The following GRB10 variants were observed in gnomAD, a reference collection of about 807,000 sequenced individuals.
GRB10 encodes growth factor receptor bound protein 10.
A neutral mutation model predicts 80.9 loss-of-function variants in GRB10; 20 were observed. The ratio of observed to expected loss-of-function variants is 0.25; its 90% CI spans 0.17 to 0.36. The LOEUF is 0.36. GRB10 is among the 10% of genes least tolerant of loss of function. The probability of loss-of-function intolerance (pLI) is 1.00; values close to 1 mark genes in which losing one functional copy is unlikely to be tolerated. For synonymous variants in GRB10, 291 were observed against 291.5 expected (o/e 1.00, Z 0.02); for missense variants, 548 against 747.7 (o/e 0.73, Z 3.12).
chr7:50,787,468 G>A (rs867230586), upstream of GRB10, among the ~76,000 whole-genome samples: 8 of 152,238 alleles, frequency 5.3e-5, no homozygotes, highest in Non-Finnish European at 1.2e-4. Context: ...TGCTCTGGGT[G>A]TTGAGGAATT....
At chr7:50,751,798 G>A (rs1489082840) in intron 3 of GRB10, among the ~76,000 whole-genome samples, 1 of 152,222 alleles carries the variant, frequency 6.6e-6, no homozygotes, top group Non-Finnish European at 1.5e-5. Context: ...CCAAGAACAA[G>A]TGGAGTGATT....
chr7:50,681,451 T>G (rs1037893977), intron 5 of GRB10, among the ~76,000 whole-genome samples: 4 of 152,234 alleles, frequency 2.6e-5, no homozygotes, highest in African/African-American at 9.6e-5. Context: ...ACCTTAAGGC[T>G]CTCCAGACCC....
At chr7:50,678,307 C>CT (rs2061169342) in intron 5 of GRB10, among the ~76,000 whole-genome samples, 1 of 152,070 alleles carries the variant, frequency 6.6e-6, no homozygotes, top group Non-Finnish European at 1.5e-5. Flanking sequence ...CTATTTTCTA[C>CT]TTTAATACAT....
intron 11 of GRB10, 24 bp downstream of exon 11, chr7:50,616,186 G>C (rs751888247): frequency 1.9e-6 from 3 of 1,613,916 alleles, no homozygotes; most frequent in African/African-American, 2.7e-5. Context: ...ATTAGGGCTG[G>C]TGGTGGTAGC....
chr7:50,633,280 C>A (rs930952785), intron 7 of GRB10, among the ~76,000 whole-genome samples: 17 of 152,182 alleles, frequency 1.1e-4, no homozygotes, highest in African/African-American at 3.9e-4. Context: ...TTTGAGAAAA[C>A]CACTACACTA....
chr7:50,644,958 G>A (rs1216672279), intron 7 of GRB10, among the ~76,000 whole-genome samples: 2 of 152,204 alleles, frequency 1.3e-5, no homozygotes, highest in Non-Finnish European at 2.9e-5. Flanking sequence ...GCAGGCACAG[G>A]ATGGCTAAAA....
intron 16 of GRB10, 36 bp from the exon 17 acceptor site, chr7:50,604,121 G>A (rs776136186): frequency 1.9e-6 from 3 of 1,552,862 alleles, no homozygotes; most frequent in Admixed American, 3.3e-5. Flanking sequence ...TAGGATGGTG[G>A]TGCCTCTGCA....
Position 50,686,153 on chromosome 7 carries a change from T to C in GRB10, c.140-11495A>G, listed in dbSNP as rs1040180410. Among the ~76,000 whole-genome samples, 8 of 152,208 alleles carry C rather than the reference T, an allele frequency of 5.3e-5. No homozygotes were observed. In the East Asian group the frequency reaches 9.7e-4, roughly 18 times the overall value. On this transcript the variant is annotated intron_variant, in intron 5 of 18. Transcript: ENST00000401949. ...ATCCTAACCTCTACAGTGAAGGTATTAGGAGGTGGGGCCTTTGGGAGGTGA... is the reference window on the plus strand; with the variant it reads ...ATCCTAACCTCTACAGTGAAGGTATCAGGAGGTGGGGCCTTTGGGAGGTGA...
At chr7:50,621,112 C>A (rs1206363951) in intron 8 of GRB10, among the ~76,000 whole-genome samples, 1 of 152,236 alleles carries the variant, frequency 6.6e-6, no homozygotes, top group Non-Finnish European at 1.5e-5. Flanking sequence ...ATGCCTGGGG[C>A]AGCCACCAGC....
intron 2 of GRB10, among the ~76,000 whole-genome samples, chr7:50,779,973 G>C (rs570389268): frequency 6.6e-6 from 1 of 152,094 alleles, no homozygotes; most frequent in East Asian, 1.9e-4. Context: ...CCCTGACCGA[G>C]GAGGCAGAGA....
At chr7:50,753,218 A>G (rs186323097) in intron 3 of GRB10, among the ~76,000 whole-genome samples, 1 of 152,284 alleles carries the variant, frequency 6.6e-6, no homozygotes, top group East Asian at 1.9e-4. Context: ...TCTGACAATA[A>G]CTAGCTCTTC....
intron 13 of GRB10, chr7:50,606,826 T>C (rs1454463955): frequency 4.2e-6 from 1 of 240,638 alleles, no homozygotes; most frequent in African/African-American, 2.3e-5. Context: ...TCTGTAAGTC[T>C]ACATGTTGAC....
At position 50,765,365 on chromosome 7, in the gene GRB10, C is replaced by T. The variant is rs544440436; in HGVS notation, c.-216-9309G>A. Among the ~76,000 whole-genome samples the T allele has an allele frequency of 9.2e-5, 14 of 152,264 alleles. No homozygotes were observed. The South Asian group carries it at 1.7e-3, about 18-fold the overall frequency. ...TGTATCAAAAAGATATCTGCACACCCGTGTTTACTGCAGCATTATTCACAA... is the reference window on the plus strand; with the variant it reads ...TGTATCAAAAAGATATCTGCACACCTGTGTTTACTGCAGCATTATTCACAA... On this transcript the variant is annotated intron_variant, in intron 2 of 18. Coordinates refer to ENST00000401949, the MANE Select transcript of GRB10 (RefSeq NM_001350814.2).
intron 4 of GRB10, among the ~76,000 whole-genome samples, chr7:50,718,750 G>A (rs76904222): frequency 0.02 from 2,998 of 152,178 alleles, 110 homozygotes; most frequent in African/African-American, 0.068. Context: ...AATTGTAACC[G>A]TCGAAACCCT....
intron 7 of GRB10, among the ~76,000 whole-genome samples, chr7:50,666,835 T>A (rs2059858767): frequency 6.6e-6 from 1 of 151,926 alleles, no homozygotes; most frequent in Non-Finnish European, 1.5e-5. Flanking sequence ...GGACAGGAGA[T>A]CGAGACCATC....
chr7:50,614,748 T>C (rs1352743548), intron 12 of GRB10, 22 bp downstream of exon 12: 5 of 1,507,046 alleles, frequency 3.3e-6, no homozygotes, highest in African/African-American at 1.4e-5. Flanking sequence ...ATGCGCGCCG[T>C]CTGTGGACAG....
At chr7:50,662,182 G>T (rs1180447394) in intron 7 of GRB10, among the ~76,000 whole-genome samples, 4 of 152,208 alleles carry the variant, frequency 2.6e-5, no homozygotes, top group Admixed American at 2.6e-4. Context: ...GCCCCTGGCA[G>T]TCCCAGGCTG....
intron 7 of GRB10, among the ~76,000 whole-genome samples, chr7:50,650,260 A>T (rs1290043940): frequency 6.6e-6 from 1 of 152,254 alleles, no homozygotes; most frequent in African/African-American, 2.4e-5. Context: ...AACTAGAGGC[A>T]GGCCACAAGG....
chr7:50,782,381 A>G lies in GRB10; in HGVS notation c.-327+43T>C, dbSNP rs1380354431. On this transcript the variant is annotated intron_variant, in intron 1 of 18. Coordinates refer to ENST00000401949, the MANE Select transcript of GRB10 (RefSeq NM_001350814.2). The surrounding 1 kb of genome is among the most constrained non-coding windows in gnomAD (Gnocchi z 6.6). ...CCGCCCCGGCTCGCGCCCACCGCCC[A>G]CCGCCCACCGCCCAGCGCCCGCGGC... The G allele has an allele frequency of 7.2e-6, 1 of 139,272 alleles. No homozygotes were observed. Among genetic ancestry groups the G allele is most frequent in the Non-Finnish European group, 1.6e-5 (1 of 63,884 alleles). 8.6% of individuals were successfully genotyped at this position (139,272 alleles called of 1,614,324 possible). A position where few individuals can be genotyped will look rare whatever the true frequency, so the allele number is the denominator to read the frequency against.
Sources: gnomAD v4.1 joint callset for allele counts (sites outside exome capture counted in the v4.1 genomes callset) on GRCh38, gnomAD v4.1.1 for gene constraint, Gnocchi (gnomAD v3.1) non-coding constraint, MANE v1.5 for transcripts, NCBI Gene and HGNC (gene_info 2026-07-23, HGNC 2026-07-21) for gene names.